The following SCML2 variants were observed in gnomAD, a reference collection of about 807,000 sequenced individuals.
The protein encoded by SCML2 is Scm polycomb group protein like 2.
SCML2 carries 6 observed loss-of-function variants against 48.4 expected under a neutral mutation model. The ratio of observed to expected loss-of-function variants is 0.12; its 90% CI spans 0.07 to 0.24. SCML2 has a LOEUF of 0.24. Among genes scored for constraint, SCML2 ranks in the 10% least tolerant of loss-of-function variants. SCML2 has a pLI of 1.00. For synonymous variants in SCML2, 181 were observed against 189.5 expected (o/e 0.95, Z 0.37); for missense variants, 377 against 528.2 (o/e 0.71, Z 2.81).
intron 8 of SCML2, among the ~76,000 whole-genome samples, chrX:18,262,712 CTTTT>C (rs200924355): frequency 2.9e-5 from 3 of 105,063 alleles, no homozygotes; most frequent in Non-Finnish European, 5.8e-5. Context: ...TTTTCCTTTC[CTTTT>C]TTTTTCCCCC....
intron 7 of SCML2, among the ~76,000 whole-genome samples, chrX:18,277,105 C>G (rs1424890667): frequency 9.0e-6 from 1 of 111,569 alleles, no homozygotes; most frequent in Admixed American, 9.5e-5. Flanking sequence ...GGTTCTCACT[C>G]TGTCACCCAG....
chrX:18,276,180 G>A (rs1272988648), intron 7 of SCML2, among the ~76,000 whole-genome samples: 4 of 110,545 alleles, frequency 3.6e-5, no homozygotes, highest in Non-Finnish European at 1.9e-5. Context: ...CTGTAGTTCC[G>A]CTACTCGGGA....
intron 8 of SCML2, among the ~76,000 whole-genome samples, chrX:18,260,897 T>C (rs1927038883): frequency 9.1e-6 from 1 of 109,627 alleles, no homozygotes. Context: ...TAGCATTTTG[T>C]TTATTTTACA....
intron 1 of SCML2, among the ~76,000 whole-genome samples, chrX:18,337,256 C>T (rs1929850874): frequency 1.1e-5 from 1 of 90,677 alleles, no homozygotes; most frequent in Non-Finnish European, 2.1e-5. Context: ...GAGCCAAGAA[C>T]GCGCCACTCA....
At chrX:18,309,642 C>A (rs899229273) in intron 6 of SCML2, among the ~76,000 whole-genome samples, 16 of 111,587 alleles carry the variant, frequency 1.4e-4, no homozygotes, top group Non-Finnish European at 3.8e-5. Flanking sequence ...AGATGGAGAG[C>A]TGGAGGCCAT....
Position 18,324,951 on chromosome X carries a change from T to C in SCML2, c.118A>G (p.Lys40Glu). Reference sequence around the variant, plus strand: ...GGAGCACTTATAGACCCAGTCTCTTTCAAATACTCCTCCCAGTGGAAATCA... The same window carrying C: ...GGAGCACTTATAGACCCAGTCTCTTCCAAATACTCCTCCCAGTGGAAATCA... ...RDDFHWEEYL[K>E]ETGSISAPSE... is the part of the protein sequence containing the mutation. The change falls in exon 4 of 15, where the codon AAA (lysine) becomes GAA (glutamate). Residue 40 changes from lysine to glutamate, a missense_variant. Lys to Glu is a moderately conservative substitution (Grantham distance 56). Transcript: ENST00000251900. 8.3e-7 allele frequency: 1 copy of C among 1,203,417 alleles called. No individual in the cohort carries two copies.
At chrX:18,267,257 T>G (rs1369246833) in intron 7 of SCML2, among the ~76,000 whole-genome samples, 2 of 111,821 alleles carry the variant, frequency 1.8e-5, no homozygotes, top group Non-Finnish European at 3.8e-5. Context: ...AGGCTTTACA[T>G]TCTCATTATG....
chrX:18,285,734 T>A lies in SCML2; in HGVS notation c.730+19238A>T, dbSNP rs775983336. ...GTTTTTTGTTTTTTCCTCAAAAAAATTGAGTTTTTTCAATTCTCTTGACTA... is the reference window on the plus strand; with the variant it reads ...GTTTTTTGTTTTTTCCTCAAAAAAAATGAGTTTTTTCAATTCTCTTGACTA... On this transcript the variant is annotated intron_variant, in intron 7 of 14. Coordinates refer to ENST00000251900, the MANE Select transcript of SCML2 (RefSeq NM_006089.3). Among the ~76,000 whole-genome samples the A allele has an allele frequency of 7.2e-5, 8 of 111,841 alleles. No individual in the cohort carries two copies. In the South Asian group the frequency reaches 2.6e-3, roughly 37 times the overall value.
chrX:18,352,544 A>C (rs1930407370), intron 1 of SCML2, among the ~76,000 whole-genome samples: 1 of 112,149 alleles, frequency 8.9e-6, no homozygotes, highest in Non-Finnish European at 1.9e-5. Context: ...CTTGTTCTAC[A>C]TTCGTATTGA....
intron 3 of SCML2, among the ~76,000 whole-genome samples, chrX:18,329,930 T>C (rs750931119): frequency 2.7e-5 from 3 of 111,409 alleles, no homozygotes; most frequent in African/African-American, 9.8e-5. Flanking sequence ...ATACAAAAAC[T>C]AGCCAGGCGT....
At chrX:18,326,450 G>C (rs1035091406) in intron 3 of SCML2, among the ~76,000 whole-genome samples, 3 of 110,146 alleles carry the variant, frequency 2.7e-5, no homozygotes, top group African/African-American at 6.6e-5. Context: ...AGGCTGAGGT[G>C]AACAGATCAC....
intron 7 of SCML2, among the ~76,000 whole-genome samples, chrX:18,280,062 T>C (rs1429377386): frequency 9.0e-6 from 1 of 111,665 alleles, no homozygotes; most frequent in Non-Finnish European, 1.9e-5. Flanking sequence ...CACATAGTTA[T>C]GAGATTCACC....
intron 4 of SCML2, 135 bp from the exon 5 acceptor site, chrX:18,324,228 A>G: frequency 2.2e-6 from 1 of 453,556 alleles, no homozygotes; most frequent in Non-Finnish European, 3.8e-6. Flanking sequence ...CAGAGCTGTA[A>G]GAGTCAAGGA....
intron 7 of SCML2, among the ~76,000 whole-genome samples, chrX:18,277,065 A>G (rs1401611308): frequency 9.0e-6 from 1 of 111,120 alleles, no homozygotes; most frequent in African/African-American, 3.3e-5. Flanking sequence ...AACAAGGAAG[A>G]AAATTTGTTT....
At chrX:18,255,107 A>C (rs938456338) in intron 11 of SCML2, among the ~76,000 whole-genome samples, 2 of 111,220 alleles carry the variant, frequency 1.8e-5, no homozygotes, top group African/African-American at 6.5e-5. Flanking sequence ...ACCTCTCCTG[A>C]AGAAGGAAAA....
In SCML2 at chrX:18,257,079, T is replaced by C; in HGVS notation, c.1274-49A>G. Reference sequence around the variant, plus strand: ...TCAGTAACCTCAGAGAGATGAGAAATACAACACTAATTAAAAAAAAAACTA... The same window carrying C: ...TCAGTAACCTCAGAGAGATGAGAAACACAACACTAATTAAAAAAAAAACTA... On this transcript the variant is annotated intron_variant, in intron 10 of 14. Coordinates refer to ENST00000251900, the MANE Select transcript of SCML2 (RefSeq NM_006089.3). The C allele has an allele frequency of 3.4e-6, 3 of 870,329 alleles. No homozygotes were observed. In the East Asian group the frequency reaches 1.0e-4, roughly 30 times the overall value. 71.7% of individuals were successfully genotyped at this position (870,329 alleles called of 1,213,427 possible). A position where few individuals can be genotyped will look rare whatever the true frequency, so the allele number is the denominator to read the frequency against.
intron 1 of SCML2, among the ~76,000 whole-genome samples, chrX:18,347,672 C>T (rs756202171): frequency 5.6e-5 from 5 of 89,136 alleles, no homozygotes; most frequent in South Asian, 1.2e-3. Context: ...TGCAGTGAAC[C>T]GAGATCATGC....
At chrX:18,328,061 C>T (rs1929541651) in intron 3 of SCML2, among the ~76,000 whole-genome samples, 1 of 111,390 alleles carries the variant, frequency 9.0e-6, no homozygotes, top group Middle Eastern at 4.6e-3. Flanking sequence ...ATATATATCT[C>T]CTTGTGATCT....
chrX:18,347,904 A>C (rs1930255320), intron 1 of SCML2, among the ~76,000 whole-genome samples: 1 of 110,731 alleles, frequency 9.0e-6, no homozygotes, highest in South Asian at 3.8e-4. Flanking sequence ...GTCCACCCCA[A>C]CAAATTAGTA....
Sources: gnomAD v4.1 joint callset for allele counts (sites outside exome capture counted in the v4.1 genomes callset) on GRCh38, gnomAD v4.1.1 for gene constraint, MANE v1.5 for transcripts, NCBI Gene and HGNC (gene_info 2026-07-23, HGNC 2026-07-21) for gene names.